The following BMPR1B variants were observed in gnomAD, a reference collection of about 807,000 sequenced individuals.
BMPR1B encodes bone morphogenetic protein receptor type-1B.
BMPR1B carries 12 observed loss-of-function variants against 59.1 expected under a neutral mutation model. That is an observed-to-expected ratio of 0.20 (90% CI 0.13 to 0.33). BMPR1B has a LOEUF of 0.33. Among genes scored for constraint, BMPR1B ranks in the 10% least tolerant of loss-of-function variants. The pLI is 1.00. For missense variants in BMPR1B, 550 were observed against 610.9 expected (o/e 0.90, Z 1.05); for synonymous variants, 237 against 207.3 (o/e 1.14, Z -1.23).
At chr4:95,059,557 A>G (rs1490143785) in intron 3 of BMPR1B, among the ~76,000 whole-genome samples, 1 of 152,134 alleles carries the variant, frequency 6.6e-6, no homozygotes, top group East Asian at 1.9e-4. Flanking sequence ...TATACCAAAC[A>G]GTTTATTCAT....
At chr4:94,868,993 G>A (rs555402886) in intron 1 of BMPR1B, among the ~76,000 whole-genome samples, 1 of 152,102 alleles carries the variant, frequency 6.6e-6, no homozygotes, top group East Asian at 1.9e-4. Context: ...AGAGTGCTCT[G>A]AGGACAGGGC....
chr4:94,806,096 G>A (rs1168006589), intron 1 of BMPR1B, among the ~76,000 whole-genome samples: 2 of 152,144 alleles, frequency 1.3e-5, no homozygotes, highest in African/African-American at 4.8e-5. Flanking sequence ...TTTTGTGGGA[G>A]AACTTGTAAG....
intron 3 of BMPR1B, among the ~76,000 whole-genome samples, chr4:95,015,761 C>G (rs888723714): frequency 6.6e-6 from 1 of 151,404 alleles, no homozygotes; most frequent in African/African-American, 2.4e-5. Context: ...GGCACGGTCT[C>G]GGCTCACTGC....
chr4:94,791,577 A>AT (rs1560486369), intron 1 of BMPR1B, among the ~76,000 whole-genome samples: 1 of 152,156 alleles, frequency 6.6e-6, no homozygotes, highest in Admixed American at 6.6e-5. Flanking sequence ...TTACTTGACT[A>AT]TTTTTTAAAA....
At chr4:94,872,357 A>G (rs545210162) in intron 1 of BMPR1B, among the ~76,000 whole-genome samples, 1 of 152,368 alleles carries the variant, frequency 6.6e-6, no homozygotes, top group South Asian at 2.1e-4. Context: ...TTTCAAAGTC[A>G]CTTTTTAAAC....
At chr4:95,132,426 C>G (rs771738340) in intron 10 of BMPR1B, among the ~76,000 whole-genome samples, 1 of 152,076 alleles carries the variant, frequency 6.6e-6, no homozygotes, top group South Asian at 2.1e-4. Flanking sequence ...TATTTTCGGC[C>G]AGAACTGAAG....
At chr4:94,951,609 G>C (rs934403622) in intron 2 of BMPR1B, among the ~76,000 whole-genome samples, 3 of 152,098 alleles carry the variant, frequency 2.0e-5, no homozygotes, top group African/African-American at 7.2e-5. Context: ...GGATGAAGCC[G>C]ACTTGATCGT....
At chr4:95,122,633 TAGC>T (rs1309697756) in intron 6 of BMPR1B, among the ~76,000 whole-genome samples, 1 of 152,222 alleles carries the variant, frequency 6.6e-6, no homozygotes, top group Non-Finnish European at 1.5e-5. Flanking sequence ...ATGATACTGT[TAGC>T]AGTAATTTTT....
At chr4:94,978,945 TACATACAC>T (rs1313290870) in intron 2 of BMPR1B, among the ~76,000 whole-genome samples, 23 of 112,942 alleles carry the variant, frequency 2.0e-4, no homozygotes, top group Admixed American at 1.3e-3. Context: ...CCATCACACA[TACATACAC>T]ACACACACAC....
intron 3 of BMPR1B, among the ~76,000 whole-genome samples, chr4:95,011,357 A>G (rs1277979940): frequency 1.3e-5 from 2 of 152,168 alleles, no homozygotes; most frequent in East Asian, 3.9e-4. Flanking sequence ...TTTGCTAAGA[A>G]TAGTAGCCAG....
chr4:94,831,753 A>G (rs1724600746), intron 1 of BMPR1B, among the ~76,000 whole-genome samples: 1 of 152,184 alleles, frequency 6.6e-6, no homozygotes, highest in African/African-American at 2.4e-5. Context: ...AACAGCAGGG[A>G]AGCTAGCTAA....
At chr4:94,831,990 G>T (rs1211237919) in intron 1 of BMPR1B, among the ~76,000 whole-genome samples, 1 of 152,174 alleles carries the variant, frequency 6.6e-6, no homozygotes, top group Non-Finnish European at 1.5e-5. Context: ...AGGAAAACAA[G>T]CTCAGGGCTC....
intron 3 of BMPR1B, among the ~76,000 whole-genome samples, chr4:95,056,273 A>G (rs1480554442): frequency 3.9e-5 from 6 of 152,182 alleles, no homozygotes; most frequent in South Asian, 2.1e-4. Flanking sequence ...AGTAAAATAC[A>G]TAAGGATGAT....
intron 3 of BMPR1B, among the ~76,000 whole-genome samples, chr4:95,068,883 A>G (rs1249295930): frequency 6.6e-6 from 1 of 152,204 alleles, no homozygotes; most frequent in Admixed American, 6.5e-5. Flanking sequence ...GCAAGTCCTC[A>G]CTTAATGTTG....
At chr4:94,991,447 GAC>G (rs1403035867) in intron 2 of BMPR1B, among the ~76,000 whole-genome samples, 3 of 152,152 alleles carry the variant, frequency 2.0e-5, no homozygotes, top group Admixed American at 2.0e-4. Flanking sequence ...CTATGGGGAA[GAC>G]ACAAGCAATA....
chr4:94,786,275 CAG>C (rs1722760639), intron 1 of BMPR1B, among the ~76,000 whole-genome samples: 1 of 151,878 alleles, frequency 6.6e-6, no homozygotes, highest in Admixed American at 6.6e-5. Flanking sequence ...ATGGAAATGT[CAG>C]AGCTTCTTTG....
chr4:94,928,160 T>C, intron 2 of BMPR1B, among the ~76,000 whole-genome samples: 1 of 151,358 alleles, frequency 6.6e-6, no homozygotes, highest in East Asian at 2.0e-4. Context: ...TTCTGTTTTA[T>C]TGTATTTTTT....
chr4:95,013,913 A>G (rs1723395302), intron 3 of BMPR1B, among the ~76,000 whole-genome samples: 1 of 152,196 alleles, frequency 6.6e-6, no homozygotes, highest in Non-Finnish European at 1.5e-5. Flanking sequence ...ACACTTTGTC[A>G]TCTTAAAATA....
At position 94,804,308 on chromosome 4, in the gene BMPR1B, A is replaced by G. The variant is rs116170659; in HGVS notation, c.-183+46240A>G. Among the ~76,000 whole-genome samples, 921 of 152,318 alleles carry G rather than the reference A, an allele frequency of 6.0e-3. 5 individuals are homozygous for G. Among genetic ancestry groups the G allele is most frequent in the African/African-American group, 0.021 (859 of 41,566 alleles). On this transcript the variant is annotated intron_variant, in intron 1 of 12. Coordinates refer to ENST00000515059, the MANE Select transcript of BMPR1B (RefSeq NM_001203.3). The stretch of plus-strand genomic sequence containing the variant: ...ATGAATAGGAAGTTTAAAATTATTC[A>G]TTTTAAAATGGGATATCTGCCTCTT...
Sources: gnomAD v4.1 joint callset for allele counts (sites outside exome capture counted in the v4.1 genomes callset) on GRCh38, gnomAD v4.1.1 for gene constraint, MANE v1.5 for transcripts, NCBI Gene and HGNC (gene_info 2026-07-23, HGNC 2026-07-21) for gene names.